BICC1: variants seen among roughly 807,000 people sequenced by gnomAD.
BICC1 encodes protein bicaudal C homolog 1.
In BICC1, 43 loss-of-function variants were observed where a neutral mutation model predicts 111.0. The ratio of observed to expected loss-of-function variants is 0.39; its 90% confidence interval spans 0.30 to 0.50. The LOEUF is 0.50. BICC1 is among the 20% of genes least tolerant of loss of function. The probability of loss-of-function intolerance (pLI) is 0.88; values close to 1 mark genes in which losing one functional copy is unlikely to be tolerated. For missense variants in BICC1, 1,091 were observed against 1,203.2 expected (o/e 0.91, Z 1.38); for synonymous variants, 467 against 434.4 (o/e 1.07, Z -0.93).
At chr10:58,534,077 A>G (rs1251472311) in intron 1 of BICC1, among the ~76,000 whole-genome samples, 1 of 151,830 alleles carries the variant, frequency 6.6e-6, no homozygotes, top group Non-Finnish European at 1.5e-5. Context: ...AAAGGAGGGA[A>G]AAAAGATATT....
chr10:58,523,454 A>G (rs1842447108), intron 1 of BICC1, among the ~76,000 whole-genome samples: 1 of 152,248 alleles, frequency 6.6e-6, no homozygotes, highest in Admixed American at 6.5e-5. Flanking sequence ...GACAAAAACC[A>G]TATGATTATC....
chr10:58,732,348 AGTGTAT>A (rs1300830839), intron 3 of BICC1, among the ~76,000 whole-genome samples: 9 of 124,314 alleles, frequency 7.2e-5, no homozygotes, highest in African/African-American at 1.3e-4. Context: ...GAGGAAGAGG[AGTGTAT>A]GTGTGTGTGT....
intron 9 of BICC1, among the ~76,000 whole-genome samples, chr10:58,794,458 A>G (rs1183717285): frequency 6.6e-6 from 1 of 150,508 alleles, no homozygotes; most frequent in Non-Finnish European, 1.5e-5. Context: ...TCACTTTATC[A>G]CCAAGGCTGG....
At chr10:58,547,876 A>G (rs1843183017) in intron 1 of BICC1, among the ~76,000 whole-genome samples, 1 of 152,004 alleles carries the variant, frequency 6.6e-6, no homozygotes, top group African/African-American at 2.4e-5. Flanking sequence ...ATGCTCATGC[A>G]CATCTTGTAT....
intron 1 of BICC1, among the ~76,000 whole-genome samples, chr10:58,539,252 T>C (rs1400934836): frequency 6.6e-6 from 1 of 151,816 alleles, no homozygotes; most frequent in Admixed American, 6.6e-5. Flanking sequence ...GGGATGGAAC[T>C]GGAGGCTATT....
chr10:58,788,210 G>A (rs1843067399), intron 5 of BICC1, among the ~76,000 whole-genome samples, 160 bp from the exon 6 acceptor site: 1 of 152,098 alleles, frequency 6.6e-6, no homozygotes, highest in South Asian at 2.1e-4. Flanking sequence ...AAGCAGGTCT[G>A]GATGGGGGCC....
chr10:58,616,410 A>C (rs895988908), intron 1 of BICC1, among the ~76,000 whole-genome samples: 2 of 152,210 alleles, frequency 1.3e-5, no homozygotes, highest in Non-Finnish European at 2.9e-5. Context: ...AAATGCCCCA[A>C]TGGGAGAAGG....
chr10:58,575,612 A>T (rs1315219381), intron 1 of BICC1, among the ~76,000 whole-genome samples: 1 of 151,726 alleles, frequency 6.6e-6, no homozygotes, highest in Non-Finnish European at 1.5e-5. Flanking sequence ...GTTAAGAAAT[A>T]GGGTCTCGCT....
chr10:58,795,865 G>C (rs1468902098), intron 9 of BICC1, among the ~76,000 whole-genome samples: 4 of 152,136 alleles, frequency 2.6e-5, no homozygotes, highest in African/African-American at 9.7e-5. Context: ...TGATGATGAT[G>C]ATGCAGTTTA....
chr10:58,577,645 G>T (rs1242488941), intron 1 of BICC1, among the ~76,000 whole-genome samples: 1 of 152,130 alleles, frequency 6.6e-6, no homozygotes, highest in East Asian at 1.9e-4. Context: ...AAGGTTTTTG[G>T]CTATATTGCA....
At chr10:58,520,147 T>G (rs1161549269) in intron 1 of BICC1, among the ~76,000 whole-genome samples, 1 of 152,198 alleles carries the variant, frequency 6.6e-6, no homozygotes, top group Non-Finnish European at 1.5e-5. Flanking sequence ...GCTAATAAAA[T>G]AGACCAGTTG....
intron 1 of BICC1, among the ~76,000 whole-genome samples, chr10:58,535,121 T>G (rs1456041073): frequency 6.6e-6 from 1 of 151,746 alleles, no homozygotes; most frequent in Non-Finnish European, 1.5e-5. Flanking sequence ...TTATAGGTTT[T>G]CCTGAGGGAG....
At chr10:58,745,602 G>GCCCCCCCCCCCC (rs35346412) in intron 3 of BICC1, among the ~76,000 whole-genome samples, 1 of 78,692 alleles carries the variant, frequency 1.3e-5, no homozygotes, top group African/African-American at 5.7e-5. Flanking sequence ...GCCCCCCACC[G>GCCCCCCCCCCCC]CCCCCCCCCC....
chr10:58,696,570 TA>T (rs1253809934), intron 2 of BICC1, among the ~76,000 whole-genome samples: 1 of 152,192 alleles, frequency 6.6e-6, no homozygotes, highest in Admixed American at 6.5e-5. Context: ...ATTACATTTT[TA>T]GATGGACTCC....
chr10:58,644,915 T>G (rs1838221392), intron 2 of BICC1, among the ~76,000 whole-genome samples: 2 of 152,186 alleles, frequency 1.3e-5, no homozygotes, highest in African/African-American at 4.8e-5. Flanking sequence ...TGGGGTTACT[T>G]TTAAATACCG....
rs149097950 is a variant in BICC1 at position 58,624,529 on chromosome 10, C to T, written c.237+3628C>T. ...TCACAAGTCATTTCTAAATTGTCTA[C>T]AATGAGTATATAATTGACATGCAAA... On this transcript the variant is annotated intron_variant, in intron 2 of 20. Transcript: ENST00000373886. Among the ~76,000 whole-genome samples the T allele has an allele frequency of 3.3e-3, 508 of 152,224 alleles. 2 individuals are homozygous for T. The highest frequency in any genetic ancestry group is 0.011 in the African/African-American group (474 of 41,564).
At chr10:58,799,866 GT>G in intron 12 of BICC1, among the ~76,000 whole-genome samples, 1 of 152,084 alleles carries the variant, frequency 6.6e-6, no homozygotes, top group Non-Finnish European at 1.5e-5. Flanking sequence ...TTTTAGAATA[GT>G]TTTTTCTATT....
At chr10:58,724,729 G>A (rs1463841705) in intron 3 of BICC1, among the ~76,000 whole-genome samples, 1 of 152,172 alleles carries the variant, frequency 6.6e-6, no homozygotes, top group East Asian at 1.9e-4. Context: ...TTCAAGATGG[G>A]GACACTGGCT....
intron 1 of BICC1, among the ~76,000 whole-genome samples, chr10:58,537,645 C>T (rs919917113): frequency 8.6e-5 from 13 of 151,508 alleles, no homozygotes; most frequent in African/African-American, 3.1e-4. Flanking sequence ...AGCAATCAGG[C>T]AAGAGAAATA....
Sources: gnomAD v4.1 joint callset for allele counts (sites outside exome capture counted in the v4.1 genomes callset) on GRCh38, gnomAD v4.1.1 for gene constraint, MANE v1.5 for transcripts, NCBI Gene and HGNC (gene_info 2026-07-23, HGNC 2026-07-21) for gene names.